The following ZFPM2 variants were observed in gnomAD, a reference collection of about 807,000 sequenced individuals.
ZFPM2 encodes zinc finger protein, FOG family member 2, also known as zinc finger protein ZFPM2.
ZFPM2 carries 20 observed loss-of-function variants against 98.6 expected under a neutral mutation model. The observed-to-expected ratio is 0.20, with a 90% confidence interval of 0.14 to 0.29. The LOEUF is 0.29. Ranked by LOEUF, ZFPM2 falls within the 10% of genes least tolerant of loss-of-function variation. The pLI is 1.00. For missense variants in ZFPM2, 1,310 were observed against 1,388.6 expected (o/e 0.94, Z 0.90); for synonymous variants, 518 against 502.7 (o/e 1.03, Z -0.41).
intron 5 of ZFPM2, among the ~76,000 whole-genome samples, chr8:105,659,733 A>G (rs898730564): frequency 4.6e-5 from 7 of 152,184 alleles, no homozygotes; most frequent in Non-Finnish European, 8.8e-5. Context: ...TTATAGAATT[A>G]TGTTTTTTAT....
rs1046571631 is a variant in ZFPM2 at position 105,487,898 on chromosome 8, C to T, written c.301+43517C>T. ...AACCCTATAAAGTCTGTCTGTCTAT[C>T]TATCTATCTATCTATCTATCTATCT... On this transcript the variant is annotated intron_variant, in intron 3 of 7. Coordinates refer to ENST00000407775, the MANE Select transcript of ZFPM2 (RefSeq NM_012082.4). Among the ~76,000 whole-genome samples, 80 of 71,060 alleles carry T rather than the reference C, an allele frequency of 1.1e-3. 1 individual carries two copies. The East Asian group carries it at 0.022, about 20-fold the overall frequency. The allele number at this position is 71,060 out of a possible 152,430, so 46.6% of individuals were successfully genotyped here. A position where few individuals can be genotyped will look rare whatever the true frequency, so the allele number is the denominator to read the frequency against.
At chr8:105,336,264 C>A (rs1351512051) in intron 1 of ZFPM2, among the ~76,000 whole-genome samples, 1 of 151,546 alleles carries the variant, frequency 6.6e-6, no homozygotes, top group Non-Finnish European at 1.5e-5. Flanking sequence ...TTAAGGAGAG[C>A]TTATATAAGG....
chr8:105,691,890 G>C (rs1810894192), intron 5 of ZFPM2, among the ~76,000 whole-genome samples: 1 of 152,148 alleles, frequency 6.6e-6, no homozygotes, highest in Non-Finnish European at 1.5e-5. Context: ...GGAAAGATAG[G>C]CAAACATGTT....
chr8:105,784,719 C>G (rs1226650700), intron 5 of ZFPM2: 1 of 145,604 alleles, frequency 6.9e-6, no homozygotes, highest in Non-Finnish European at 1.5e-5. Flanking sequence ...AGGTAGAATG[C>G]TTAGGTGACA....
chr8:105,493,367 G>A lies in ZFPM2; in HGVS notation c.301+48986G>A, dbSNP rs766825079. Among the ~76,000 whole-genome samples the A allele has an allele frequency of 3.9e-5, 6 of 152,178 alleles. No homozygotes were observed. The East Asian group carries it at 1.2e-3, about 29-fold the overall frequency. The stretch of plus-strand genomic sequence containing the variant: ...CATCAGAATCCTTTTTGGAAAAGCA[G>A]GTATTTGAAAGTGACAGTTATTTCC... On this transcript the variant is annotated intron_variant, in intron 3 of 7. Transcript: ENST00000407775.
intron 3 of ZFPM2, among the ~76,000 whole-genome samples, chr8:105,560,530 G>T (rs1264292264): frequency 6.7e-6 from 1 of 148,762 alleles, no homozygotes. Flanking sequence ...TCCTGATTGT[G>T]ATTTTTTTTC....
At chr8:105,773,286 C>A (rs560987449) in intron 5 of ZFPM2, among the ~76,000 whole-genome samples, 44 of 152,178 alleles carry the variant, frequency 2.9e-4, no homozygotes, top group African/African-American at 1.0e-3. Flanking sequence ...TATCACATGA[C>A]AGTGTTTTAT....
At chr8:105,662,080 A>G (rs1364659189) in intron 5 of ZFPM2, among the ~76,000 whole-genome samples, 1 of 152,178 alleles carries the variant, frequency 6.6e-6, no homozygotes, top group African/African-American at 2.4e-5. Context: ...CTTGTAAGAA[A>G]TAAAAGAATC....
intron 1 of ZFPM2, among the ~76,000 whole-genome samples, chr8:105,356,235 G>C (rs1812744338): frequency 6.6e-6 from 1 of 152,136 alleles, no homozygotes; most frequent in South Asian, 2.1e-4. Context: ...TTTGGCACTT[G>C]GTTTTCAAGT....
chr8:105,788,890 C>G lies in ZFPM2; in HGVS notation c.705C>G (p.Ala235=). Residue 235 remains alanine, a synonymous_variant, in exon 6 of 8, where the codon GCC becomes GCG. Coordinates refer to ENST00000407775, the MANE Select transcript of ZFPM2 (RefSeq NM_012082.4). ...DSIQLLPQQA[A]MASILPTAIV... ...TTCAGCTGCTTCCTCAGCAAGCTGC[C>G]ATGGCTTCTATTTTGCCCACAGCTA... is the stretch of plus-strand genomic sequence containing the variant. 6.2e-7 allele frequency: 1 copy of G among 1,613,806 alleles called. No homozygotes were observed. The highest frequency in any genetic ancestry group is 8.5e-7 in the Non-Finnish European group (1 of 1,179,838).
intron 3 of ZFPM2, among the ~76,000 whole-genome samples, chr8:105,463,438 G>A (rs1812739913): frequency 6.6e-6 from 1 of 151,538 alleles, no homozygotes; most frequent in Non-Finnish European, 1.5e-5. Flanking sequence ...TGTGTTACAT[G>A]CTCTTTGAAG....
At chr8:105,598,502 C>T (rs1273605217) in intron 4 of ZFPM2, among the ~76,000 whole-genome samples, 3 of 152,084 alleles carry the variant, frequency 2.0e-5, no homozygotes, top group Non-Finnish European at 4.4e-5. Context: ...TTAAATTTTA[C>T]CAACCAGGTA....
chr8:105,531,600 GAGTT>G (rs1814299131), intron 3 of ZFPM2, among the ~76,000 whole-genome samples: 2 of 152,122 alleles, frequency 1.3e-5, no homozygotes, highest in South Asian at 4.1e-4. Flanking sequence ...GAGGTATTGA[GAGTT>G]AGGATTTCAA....
At chr8:105,709,645 G>A (rs975685649) in intron 5 of ZFPM2, among the ~76,000 whole-genome samples, 2 of 152,140 alleles carry the variant, frequency 1.3e-5, no homozygotes, top group Non-Finnish European at 2.9e-5. Context: ...ACTTAACTGA[G>A]AGTAGGTCAG....
At chr8:105,418,316 T>G (rs1811720629) in intron 1 of ZFPM2, among the ~76,000 whole-genome samples, 1 of 152,150 alleles carries the variant, frequency 6.6e-6, no homozygotes, top group Non-Finnish European at 1.5e-5. Context: ...ATGAGTTGGT[T>G]ACTTTGATTC....
intron 1 of ZFPM2, among the ~76,000 whole-genome samples, chr8:105,341,730 A>G (rs1160883376): frequency 2.0e-5 from 3 of 152,008 alleles, no homozygotes; most frequent in Non-Finnish European, 4.4e-5. Flanking sequence ...AAGCCATGTT[A>G]CTTCCCTTTT....
rs1175503103 is a variant in ZFPM2, at chr8:105,519,735, T to G, written c.302-41628T>G. On this transcript the variant is annotated intron_variant, in intron 3 of 7. Transcript: ENST00000407775. The stretch of plus-strand genomic sequence containing the variant: ...TCTCACACATGCAATATAGGAACAC[T>G]TGACTTCATGGTTTGGGCTCCTGAG... Among the ~76,000 whole-genome samples, 3 of 152,024 alleles carry G rather than the reference T, an allele frequency of 2.0e-5. No homozygotes were observed. The East Asian group carries it at 5.8e-4, about 29-fold the overall frequency.
intron 4 of ZFPM2, among the ~76,000 whole-genome samples, chr8:105,573,670 TA>T: frequency 6.6e-6 from 1 of 152,326 alleles, no homozygotes. Context: ...AAAGACAAAT[TA>T]AAATATACAA....
At chr8:105,792,795 A>C (rs1417927129) in intron 6 of ZFPM2, among the ~76,000 whole-genome samples, 1 of 152,120 alleles carries the variant, frequency 6.6e-6, no homozygotes, top group African/African-American at 2.4e-5. Flanking sequence ...TATATTTAGG[A>C]TAGTTAGCTC....
Sources: allele counts gnomAD v4.1 joint callset (sites outside exome capture counted in the v4.1 genomes callset), GRCh38; gene constraint gnomAD v4.1.1; transcripts MANE v1.5; gene names NCBI Gene and HGNC (gene_info 2026-07-23, HGNC 2026-07-21).